Variants in ACBD6 observed in about 807,000 individuals in gnomAD.
ACBD6 encodes the protein acyl-CoA-binding domain-containing protein 6.
A neutral mutation model predicts 37.2 loss-of-function variants in ACBD6; 28 were observed. The ratio of observed to expected loss-of-function variants is 0.75; its 90% confidence interval spans 0.56 to 1.03. ACBD6 has a LOEUF of 1.03. Among genes scored for constraint, ACBD6 ranks in the 50% least tolerant of loss-of-function variants. The probability of loss-of-function intolerance (pLI) is 0.00; values close to 1 mark genes in which losing one functional copy is unlikely to be tolerated. For missense variants in ACBD6, 340 were observed against 337.4 expected, an observed-to-expected ratio of 1.01 and a Z score of -0.06; for synonymous variants, 113 against 126.8, an observed-to-expected ratio of 0.89 and a Z score of 0.73.
At chr1:180,274,863 T>C (rs1259237706) in exon 10 of ACBD6, 4 of 337,920 alleles carry the variant, frequency 1.2e-5, no homozygotes, top group Non-Finnish European at 2.2e-5. Context: ...CTGTTCTGCT[T>C]AGGGGCTTGG....
intron 3 of ACBD6, among the ~76,000 whole-genome samples, chr1:180,468,751 A>G (rs893539181): frequency 2.7e-4 from 41 of 152,326 alleles, no homozygotes; most frequent in African/African-American, 9.4e-4. Flanking sequence ...TAAGGCTATC[A>G]GTTAGCTTAA....
chr1:180,412,783 G>A (rs186579745), intron 5 of ACBD6, among the ~76,000 whole-genome samples: 18 of 152,152 alleles, frequency 1.2e-4, no homozygotes, highest in African/African-American at 1.4e-4. Context: ...AGAGGATTGC[G>A]TAAGCCCATG....
intron 6 of ACBD6, among the ~76,000 whole-genome samples, chr1:180,361,056 A>G: frequency 6.6e-6 from 1 of 152,120 alleles, no homozygotes; most frequent in East Asian, 1.9e-4. Flanking sequence ...AGGAAATTGG[A>G]TTGTCCCCCC....
In ACBD6 at chr1:180,498,425, C is replaced by A. The variant is rs74132916; in HGVS notation, c.223-2900G>T. ...AGTAAAATTGGAAAAGAATATAGTT[C>A]ATTTTGCGACTCAGAAATTACACAA... On this transcript the variant is annotated intron_variant, in intron 1 of 7. Transcript: ENST00000367595. 6.7e-3 allele frequency among the ~76,000 whole-genome samples: 1,014 copies of A among 152,298 alleles called. 17 individuals carry two copies. The highest frequency in any genetic ancestry group is 0.023 in the African/African-American group (968 of 41,548).
chr1:180,412,991 T>C (rs565863674), intron 5 of ACBD6, among the ~76,000 whole-genome samples: 2 of 152,350 alleles, frequency 1.3e-5, no homozygotes, highest in South Asian at 4.1e-4. Context: ...ATGTATTTAT[T>C]GAGCAAAGAA....
intron 3 of ACBD6, among the ~76,000 whole-genome samples, chr1:180,451,563 T>C (rs546898883): frequency 3.9e-5 from 6 of 152,314 alleles, no homozygotes; most frequent in African/African-American, 1.4e-4. Context: ...GAATGAAGTA[T>C]TGATACATGC....
chr1:180,397,738 T>C (rs1654316545), intron 5 of ACBD6, 133 bp from the exon 6 acceptor site: 2 of 808,878 alleles, frequency 2.5e-6, no homozygotes, highest in Non-Finnish European at 4.2e-6. Context: ...ATATAAAAAA[T>C]GCACTATGGA....
intron 7 of ACBD6, among the ~76,000 whole-genome samples, chr1:180,296,540 G>C (rs536069928): frequency 9.1e-4 from 139 of 152,102 alleles, no homozygotes; most frequent in African/African-American, 3.3e-3. Context: ...AGCGATTCTC[G>C]TACCTCAGCC....
chr1:180,491,667 C>T (rs1226055579), intron 3 of ACBD6, among the ~76,000 whole-genome samples: 1 of 152,172 alleles, frequency 6.6e-6, no homozygotes, highest in African/African-American at 2.4e-5. Flanking sequence ...CCAAGAGTAA[C>T]CTTTTTTCCA....
At chr1:180,331,796 G>C (rs573527313) in intron 6 of ACBD6, among the ~76,000 whole-genome samples, 3 of 152,272 alleles carry the variant, frequency 2.0e-5, no homozygotes, top group African/African-American at 7.2e-5. Flanking sequence ...AAGACTTCAT[G>C]TTAATAAATG....
chr1:180,432,433 C>T lies in ACBD6; in HGVS notation c.385-2171G>A, dbSNP rs534128637. Among the ~76,000 whole-genome samples, 108 of 151,906 alleles carry T rather than the reference C, an allele frequency of 7.1e-4. 1 individual carries two copies. The highest frequency in any genetic ancestry group is 2.5e-3 in the African/African-American group (104 of 41,448). On this transcript the variant is annotated intron_variant, in intron 3 of 7. Transcript: ENST00000367595. ...AGAAAATAAGTTACCCAATGAAAAA[C>T]GAGTAAAAGATCTAAATGGACAACT...
chr1:180,374,327 G>C (rs1185477131), intron 6 of ACBD6, among the ~76,000 whole-genome samples: 1 of 152,168 alleles, frequency 6.6e-6, no homozygotes, highest in Non-Finnish European at 1.5e-5. Flanking sequence ...TTAGAGAAGA[G>C]TTTAGTATTT....
intron 4 of ACBD6, among the ~76,000 whole-genome samples, chr1:180,414,069 T>G (rs578019225): frequency 2.6e-5 from 4 of 152,216 alleles, no homozygotes; most frequent in Non-Finnish European, 5.9e-5. Flanking sequence ...ACTAATCAGC[T>G]GCAGTCTATT....
chr1:180,436,909 A>G (rs990722948), intron 3 of ACBD6, among the ~76,000 whole-genome samples: 1 of 152,236 alleles, frequency 6.6e-6, no homozygotes, highest in African/African-American at 2.4e-5. Flanking sequence ...CTTTCCTTCT[A>G]AGATCAGGAA....
chr1:180,334,915 T>C (rs1258399372), intron 6 of ACBD6, among the ~76,000 whole-genome samples: 2 of 152,048 alleles, frequency 1.3e-5, no homozygotes, highest in African/African-American at 4.8e-5. Context: ...GTATCAGTGA[T>C]AGGAGATCAA....
At chr1:180,411,212 A>G (rs1245677572) in intron 5 of ACBD6, among the ~76,000 whole-genome samples, 2 of 152,202 alleles carry the variant, frequency 1.3e-5, no homozygotes, top group Non-Finnish European at 2.9e-5. Flanking sequence ...GACAGAATCT[A>G]CTCCGGCGAA....
chr1:180,289,840 A>T (rs906808859), intron 7 of ACBD6, among the ~76,000 whole-genome samples: 10 of 152,206 alleles, frequency 6.6e-5, no homozygotes, highest in African/African-American at 2.2e-4. Context: ...CATTTCATTT[A>T]AACAAAATTT....
chr1:180,323,084 A>G (rs1276091274), intron 6 of ACBD6, among the ~76,000 whole-genome samples: 1 of 151,582 alleles, frequency 6.6e-6, no homozygotes, highest in Non-Finnish European at 1.5e-5. Flanking sequence ...AAATTTTTCA[A>G]TTTTCTTAAT....
intron 6 of ACBD6, among the ~76,000 whole-genome samples, chr1:180,385,782 G>A (rs1021796196): frequency 1.3e-5 from 2 of 152,150 alleles, no homozygotes; most frequent in African/African-American, 2.4e-5. Context: ...CTCCAGAACT[G>A]TGGGAATAAA....
Sources: allele counts gnomAD v4.1 joint callset (sites outside exome capture counted in the v4.1 genomes callset), GRCh38; gene constraint gnomAD v4.1.1; transcripts MANE v1.5; gene names NCBI Gene and HGNC (gene_info 2026-07-23, HGNC 2026-07-21).